Variants in LIMK2 observed in about 807,000 individuals in gnomAD.
LIMK2 encodes the protein LIM domain kinase 2.
Under a neutral mutation model 75.7 loss-of-function variants are expected in LIMK2, and 35 were observed. The observed-to-expected ratio is 0.46, with a 90% CI of 0.35 to 0.61. The LOEUF is 0.61. LIMK2 is among the 20% of genes least tolerant of loss of function. The pLI, the probability that LIMK2 is intolerant of heterozygous loss-of-function variation, is 0.00. For synonymous variants in LIMK2, 301 were observed against 319.2 expected (o/e 0.94, Z 0.61); for missense variants, 623 against 831.0 (o/e 0.75, Z 3.08).
intron 12 of LIMK2, 35 bp from the exon 13 acceptor site, chr22:31,272,495 C>A: frequency 1.3e-6 from 2 of 1,570,364 alleles, no homozygotes; most frequent in Non-Finnish European, 1.7e-6. Context: ...TGAGAACATC[C>A]CCATGAAGTC....
intron 1 of LIMK2, among the ~76,000 whole-genome samples, chr22:31,225,031 T>C (rs1001563145): frequency 1.9e-4 from 29 of 152,318 alleles, no homozygotes; most frequent in Admixed American, 7.8e-4. Context: ...GAACTGCACA[T>C]GCAAGGGATC....
At chr22:31,263,695 A>G (rs1013204780) in intron 7 of LIMK2, among the ~76,000 whole-genome samples, 9 of 152,092 alleles carry the variant, frequency 5.9e-5, no homozygotes, top group Non-Finnish European at 1.2e-4. Context: ...AATAATAATA[A>G]TAATTGTTTT....
At chr22:31,236,727 A>G (rs1320154698) in intron 2 of LIMK2, among the ~76,000 whole-genome samples, 4 of 151,080 alleles carry the variant, frequency 2.6e-5, no homozygotes, top group Non-Finnish European at 5.9e-5. Context: ...TAGCCTGGCC[A>G]ACATGGTGAA....
intron 2 of LIMK2, among the ~76,000 whole-genome samples, chr22:31,249,851 C>CTGGT (rs1384123016): frequency 6.6e-6 from 1 of 152,174 alleles, no homozygotes; most frequent in Non-Finnish European, 1.5e-5. Context: ...GGGAAGGGAA[C>CTGGT]TGGTCCTCAA....
rs761991965 is a variant in LIMK2 at position 31,248,656 on chromosome 22, C to T, written c.117-9635C>T. 9.9e-6 allele frequency: 16 copies of T among 1,613,688 alleles called. No homozygotes were observed. In the African/African-American group the frequency reaches 1.5e-4, roughly 15 times the overall value. ...GCCTGTCATGGTGGCCATCTACAGCCGGCCTGAGGCAGTCACAGACGGATT... is the reference window on the plus strand; with the variant it reads ...GCCTGTCATGGTGGCCATCTACAGCTGGCCTGAGGCAGTCACAGACGGATT... On this transcript the variant is annotated intron_variant, in intron 2 of 15. Transcript: ENST00000331728.
At chr22:31,240,114 C>T (rs954182761) in intron 2 of LIMK2, among the ~76,000 whole-genome samples, 1 of 152,164 alleles carries the variant, frequency 6.6e-6, no homozygotes, top group African/African-American at 2.4e-5. Context: ...ATGGGCAGTG[C>T]TGGAAGTGTG....
chr22:31,275,314 T>TA lies in LIMK2; in HGVS notation c.1772+7dup. On this transcript the variant is annotated splice_region_variant and intron_variant, in intron 15 of 15. Coordinates refer to ENST00000331728, the MANE Select transcript of LIMK2 (RefSeq NM_005569.4). ...AGACTGGAGCCTGAGAGCAGGTTGG[T>TA]ATCCTGCCTTTTTCTCCCAGCTCAC... 6.2e-7 allele frequency: 1 copy of TA among 1,614,090 alleles called. No homozygotes were observed. The highest frequency in any genetic ancestry group is 8.5e-7 in the Non-Finnish European group (1 of 1,179,994).
chr22:31,270,862 G>GCC (rs2048949518), intron 11 of LIMK2, among the ~76,000 whole-genome samples: 1 of 152,200 alleles, frequency 6.6e-6, no homozygotes, highest in Non-Finnish European at 1.5e-5. Context: ...GACATTAGGA[G>GCC]AGAGCTGTGA....
rs1949718951 is a variant in LIMK2, at chr22:31,278,601, C to T, written c.*160C>T. 1.1e-5 allele frequency: 7 copies of T among 619,428 alleles called. No individual in the cohort carries two copies. The highest frequency in any genetic ancestry group is 8.7e-5 in the South Asian group (3 of 34,618). 38.4% of individuals were successfully genotyped at this position (619,428 alleles called of 1,614,324 possible). On this transcript the variant is annotated 3_prime_UTR_variant, in exon 16 of 16. Coordinates refer to ENST00000331728, the MANE Select transcript of LIMK2 (RefSeq NM_005569.4). Reference sequence around the variant, plus strand: ...ATTACCTCCCCAGGAGGCAAGTGGGCGCAGCACCAGGGAAATGTATCTCCA... The same window carrying T: ...ATTACCTCCCCAGGAGGCAAGTGGGTGCAGCACCAGGGAAATGTATCTCCA...
At chr22:31,275,047 C>A in intron 14 of LIMK2, 104 bp from the exon 15 acceptor site, 2 of 1,105,276 alleles carry the variant, frequency 1.8e-6, no homozygotes, top group East Asian at 2.4e-5. Flanking sequence ...TTTACCACCT[C>A]CTCTTCTGCC....
rs763355489 is a variant in LIMK2, at chr22:31,267,091, C to T, written c.1128+21C>T. The T allele has an allele frequency of 9.5e-6, 14 of 1,469,194 alleles. No homozygotes were observed. The South Asian group carries it at 1.1e-4, about 11-fold the overall frequency. The allele number at this position is 1,469,194 out of a possible 1,614,324, so 91.0% of individuals were successfully genotyped here. On this transcript the variant is annotated intron_variant, in intron 9 of 15. Coordinates refer to ENST00000331728, the MANE Select transcript of LIMK2 (RefSeq NM_005569.4). ...CTGAGGTAAGAAGATGGAGGGGGCCCGGGAGGTTGGTGTCACCATTGGAAG... is the reference window on the plus strand; with the variant it reads ...CTGAGGTAAGAAGATGGAGGGGGCCTGGGAGGTTGGTGTCACCATTGGAAG...
At chr22:31,260,728 G>A (rs1395802368) in intron 5 of LIMK2, among the ~76,000 whole-genome samples, 8 of 152,370 alleles carry the variant, frequency 5.3e-5, no homozygotes, top group Non-Finnish European at 1.0e-4. Flanking sequence ...TGGGAAGTCA[G>A]GAGGAGCTAA....
chr22:31,256,497 C>T (rs2048783662), intron 2 of LIMK2, among the ~76,000 whole-genome samples: 1 of 151,426 alleles, frequency 6.6e-6, no homozygotes, highest in African/African-American at 2.4e-5. Context: ...CATGCCACCA[C>T]GCCCAGCTAA....
intron 2 of LIMK2, among the ~76,000 whole-genome samples, chr22:31,245,217 CAG>C (rs1192604786): frequency 6.6e-6 from 1 of 152,212 alleles, no homozygotes; most frequent in Non-Finnish European, 1.5e-5. Flanking sequence ...AGGTAGTAAA[CAG>C]AGTGGTTGAG....
intron 2 of LIMK2, among the ~76,000 whole-genome samples, chr22:31,243,509 C>G (rs761403408): frequency 8.5e-5 from 13 of 152,174 alleles, no homozygotes; most frequent in Non-Finnish European, 1.5e-4. Flanking sequence ...CCTGAACATT[C>G]ACTTGGGGCT....
At chr22:31,227,244 A>G (rs1487221425) in intron 2 of LIMK2, among the ~76,000 whole-genome samples, 2 of 152,220 alleles carry the variant, frequency 1.3e-5, no homozygotes, top group Admixed American at 1.3e-4. Flanking sequence ...CAAGGTCTGA[A>G]GTGGTAGGGC....
chr22:31,252,730 A>G (rs936428168), intron 2 of LIMK2, among the ~76,000 whole-genome samples: 1 of 152,096 alleles, frequency 6.6e-6, no homozygotes, highest in Non-Finnish European at 1.5e-5. Context: ...GAGGGAAAGA[A>G]ATGAACACTT....
intron 2 of LIMK2, among the ~76,000 whole-genome samples, chr22:31,245,475 T>C (rs994120129): frequency 6.6e-6 from 1 of 152,196 alleles, no homozygotes; most frequent in Admixed American, 6.5e-5. Context: ...CTAATTTTTG[T>C]ATTTTTAGTA....
intron 1 of LIMK2, among the ~76,000 whole-genome samples, chr22:31,225,195 C>G (rs1228424198): frequency 1.3e-5 from 2 of 151,992 alleles, no homozygotes; most frequent in Non-Finnish European, 2.9e-5. Context: ...GACTGCTGAT[C>G]TAGAGGACCA....
Sources: gnomAD v4.1 joint callset for allele counts (sites outside exome capture counted in the v4.1 genomes callset) on GRCh38, gnomAD v4.1.1 for gene constraint, MANE v1.5 for transcripts, NCBI Gene and HGNC (gene_info 2026-07-23, HGNC 2026-07-21) for gene names.